The following CAMK1D variants were observed in gnomAD, a reference collection of about 807,000 sequenced individuals.
The protein encoded by CAMK1D is calcium/calmodulin dependent protein kinase ID, also known as calcium/calmodulin-dependent protein kinase type 1D.
Under a neutral mutation model 47.7 loss-of-function variants are expected in CAMK1D, and 9 were observed. The ratio of observed to expected loss-of-function variants is 0.19; its 90% CI spans 0.11 to 0.33. The LOEUF is 0.33. Among genes scored for constraint, CAMK1D ranks in the 10% least tolerant of loss-of-function variants. The probability of loss-of-function intolerance (pLI) is 1.00; values close to 1 mark genes in which losing one functional copy is unlikely to be tolerated. For missense variants in CAMK1D, 291 were observed against 488.7 expected, an observed-to-expected ratio of 0.60 and a Z score of 3.81; for synonymous variants, 184 against 184.9, an observed-to-expected ratio of 0.99 and a Z score of 0.04.
At chr10:12,800,401 C>G (rs890522769) in intron 6 of CAMK1D, among the ~76,000 whole-genome samples, 1 of 152,178 alleles carries the variant, frequency 6.6e-6, no homozygotes. Flanking sequence ...GAATACAATT[C>G]AGATTTCTTC....
intron 3 of CAMK1D, among the ~76,000 whole-genome samples, chr10:12,691,409 ATATATATATATATTTTTTTTTTTTTT>A: frequency 4.6e-4 from 1 of 2,154 alleles, no homozygotes; most frequent in African/African-American, 1.9e-3. Flanking sequence ...ATATAAATAT[ATATATATATATATTTTTTTTTTTTTT>A]TTTTTTTTTT....
intron 3 of CAMK1D, among the ~76,000 whole-genome samples, chr10:12,747,077 G>T (rs1327460523): frequency 6.6e-6 from 1 of 151,966 alleles, no homozygotes; most frequent in Non-Finnish European, 1.5e-5. Flanking sequence ...TGTTGCCCAG[G>T]CTAGAGTGCA....
At chr10:12,580,015 T>C (rs144542114) in intron 2 of CAMK1D, among the ~76,000 whole-genome samples, 74 of 152,292 alleles carry the variant, frequency 4.9e-4, no homozygotes, top group Non-Finnish European at 7.9e-4. Context: ...TCTAAGCTTT[T>C]TCCCTTGGCC....
chr10:12,542,740 C>CTTAT (rs1283316111), intron 1 of CAMK1D, among the ~76,000 whole-genome samples: 1 of 152,094 alleles, frequency 6.6e-6, no homozygotes, highest in African/African-American at 2.4e-5. Flanking sequence ...TTGATGTGCA[C>CTTAT]TTATTTATTT....
intron 2 of CAMK1D, among the ~76,000 whole-genome samples, chr10:12,610,161 A>G (rs1438581035): frequency 1.3e-5 from 2 of 152,180 alleles, no homozygotes; most frequent in African/African-American, 4.8e-5. Context: ...CATTGAATCC[A>G]GATTAGGAAG....
At chr10:12,586,619 C>T (rs1403784663) in intron 2 of CAMK1D, among the ~76,000 whole-genome samples, 3 of 152,120 alleles carry the variant, frequency 2.0e-5, no homozygotes, top group Non-Finnish European at 1.5e-5. Context: ...CCACCTGCAG[C>T]CTTGAGAGTA....
At chr10:12,629,106 G>A (rs1049203233) in intron 2 of CAMK1D, among the ~76,000 whole-genome samples, 7 of 152,202 alleles carry the variant, frequency 4.6e-5, no homozygotes, top group African/African-American at 1.7e-4. Context: ...GAGGCCAGCT[G>A]CCAGCATTCT....
intron 1 of CAMK1D, among the ~76,000 whole-genome samples, chr10:12,414,692 G>A (rs1360442927): frequency 1.3e-5 from 2 of 152,188 alleles, no homozygotes; most frequent in African/African-American, 4.8e-5. Context: ...TGAAGAAAAT[G>A]TAGCAACTAT....
intron 1 of CAMK1D, among the ~76,000 whole-genome samples, chr10:12,443,099 A>T (rs1832828530): frequency 6.6e-6 from 1 of 152,230 alleles, no homozygotes; most frequent in Non-Finnish European, 1.5e-5. Context: ...CTGAGCTCTC[A>T]GAAATATATT....
chr10:12,509,025 C>T (rs1289146930), intron 1 of CAMK1D, among the ~76,000 whole-genome samples: 3 of 152,200 alleles, frequency 2.0e-5, no homozygotes, highest in Non-Finnish European at 2.9e-5. Context: ...TGGTATAAAT[C>T]ACCTTGGAGA....
chr10:12,595,546 C>T (rs149995554), intron 2 of CAMK1D, among the ~76,000 whole-genome samples: 1 of 152,002 alleles, frequency 6.6e-6, no homozygotes, highest in Non-Finnish European at 1.5e-5. Flanking sequence ...GATCCAGGCC[C>T]ATCTTGAATG....
At chr10:12,795,010 G>C (rs1157496084) in intron 6 of CAMK1D, among the ~76,000 whole-genome samples, 1 of 152,176 alleles carries the variant, frequency 6.6e-6, no homozygotes, top group African/African-American at 2.4e-5. Context: ...GCCTGGAATA[G>C]AGAAGGTAAT....
In CAMK1D at chr10:12,655,943, C is replaced by T. The variant is rs114483923; in HGVS notation, c.225-10793C>T. Among the ~76,000 whole-genome samples, 528 of 152,340 alleles carry T rather than the reference C, an allele frequency of 3.5e-3. 1 individual carries two copies. The highest frequency in any genetic ancestry group is 0.012 in the African/African-American group (507 of 41,568). On this transcript the variant is annotated intron_variant, in intron 2 of 10. Transcript: ENST00000619168. ...GTAGCAAAGACTATTCCAGAGAACA[C>T]TGAATATGGACTTAGAGTCAAAGTT...
intron 2 of CAMK1D, among the ~76,000 whole-genome samples, chr10:12,645,797 G>A (rs1028006779): frequency 2.6e-5 from 4 of 152,118 alleles, no homozygotes; most frequent in African/African-American, 9.7e-5. Context: ...CACGCCATCT[G>A]AGTATTTAAA....
At chr10:12,461,871 T>C (rs1833436360) in intron 1 of CAMK1D, among the ~76,000 whole-genome samples, 1 of 152,004 alleles carries the variant, frequency 6.6e-6, no homozygotes, top group Non-Finnish European at 1.5e-5. Flanking sequence ...AGGAGGAAGT[T>C]TGTTGCTCAT....
intron 3 of CAMK1D, among the ~76,000 whole-genome samples, chr10:12,753,436 G>A (rs914201743): frequency 1.3e-5 from 2 of 152,240 alleles, no homozygotes; most frequent in African/African-American, 2.4e-5. Context: ...AATATGTCAT[G>A]CTAGGTTGAT....
intron 2 of CAMK1D, among the ~76,000 whole-genome samples, chr10:12,564,141 CTCTCTG>C (rs758671102): frequency 6.9e-4 from 66 of 95,286 alleles, no homozygotes; most frequent in East Asian, 1.8e-3. Context: ...CTCTCTCTCT[CTCTCTG>C]TCTCTCTCTC....
intron 5 of CAMK1D, among the ~76,000 whole-genome samples, chr10:12,787,639 C>G (rs1837789966): frequency 6.6e-6 from 1 of 152,222 alleles, no homozygotes; most frequent in African/African-American, 2.4e-5. Context: ...TGTCTGTGCT[C>G]CTTTCTCGTG....
chr10:12,565,848 T>C (rs1837107485), intron 2 of CAMK1D, among the ~76,000 whole-genome samples: 1 of 152,032 alleles, frequency 6.6e-6, no homozygotes, highest in Non-Finnish European at 1.5e-5. Flanking sequence ...GCTGTCCCTG[T>C]GTTCTCTTGT....
Sources: gnomAD v4.1 joint callset for allele counts (sites outside exome capture counted in the v4.1 genomes callset) on GRCh38, gnomAD v4.1.1 for gene constraint, MANE v1.5 for transcripts, NCBI Gene and HGNC (gene_info 2026-07-23, HGNC 2026-07-21) for gene names.